The following MTCL2 variants were observed in gnomAD, a reference collection of about 807,000 sequenced individuals.
MTCL2 encodes the protein microtubule crosslinking factor 2.
chr20:36,784,492 A>G, the MTCL2 span: 1 of 985,570 alleles, frequency 1.0e-6, no homozygotes, highest in Non-Finnish European at 1.2e-6. Context: ...CAGCAAAGCT[A>G]CTGGCTTTTG....
chr20:36,799,494 AAAATAAATAAATAAATAAAT>A, the MTCL2 span, among the ~76,000 whole-genome samples: 2 of 147,008 alleles, frequency 1.4e-5, no homozygotes, highest in Non-Finnish European at 3.0e-5. Context: ...CTCCATCTCA[AAAATAAATAAATAAATAAAT>A]AAATAAATAA....
the MTCL2 span, among the ~76,000 whole-genome samples, chr20:36,845,223 T>A: frequency 6.6e-6 from 1 of 152,242 alleles, no homozygotes; most frequent in East Asian, 1.9e-4. Flanking sequence ...GGGATTCTGA[T>A]GAAGGGCGTT....
the MTCL2 span, among the ~76,000 whole-genome samples, chr20:36,859,115 G>GA: frequency 1.3e-5 from 2 of 152,092 alleles, no homozygotes; most frequent in Non-Finnish European, 1.5e-5. Flanking sequence ...ATACAGATGA[G>GA]AAAAAAAGCA....
the MTCL2 span, among the ~76,000 whole-genome samples, chr20:36,859,401 A>G: frequency 6.6e-6 from 1 of 152,222 alleles, no homozygotes; most frequent in Admixed American, 6.5e-5. Context: ...AATAACCTTC[A>G]GACTTCCTTG....
the MTCL2 span, among the ~76,000 whole-genome samples, chr20:36,861,021 C>A: frequency 7.9e-5 from 12 of 152,248 alleles, no homozygotes; most frequent in African/African-American, 2.9e-4. Context: ...TGGACAGGGG[C>A]CCATGGAGAT....
At chr20:36,816,355 T>A in the MTCL2 span, 2 of 1,472,586 alleles carry the variant, frequency 1.4e-6, no homozygotes, top group Non-Finnish European at 1.8e-6. Context: ...GTGCTGGGAG[T>A]CTCAGTACCA....
the MTCL2 span, among the ~76,000 whole-genome samples, chr20:36,807,077 G>A: frequency 6.6e-6 from 1 of 152,304 alleles, no homozygotes; most frequent in African/African-American, 2.4e-5. Flanking sequence ...CTTCGGACAG[G>A]AGGACCGAGG....
chr20:36,805,362 G>A, the MTCL2 span, among the ~76,000 whole-genome samples: 5 of 151,986 alleles, frequency 3.3e-5, no homozygotes, highest in East Asian at 1.9e-4. Context: ...CCAGCTCACC[G>A]TGTGTGACCC....
the MTCL2 span, among the ~76,000 whole-genome samples, chr20:36,821,660 T>C: frequency 6.6e-6 from 1 of 151,830 alleles, no homozygotes; most frequent in South Asian, 2.1e-4. Context: ...GGAGGTTACA[T>C]TGAGCCAAGA....
the MTCL2 span, chr20:36,794,328 C>T: frequency 1.9e-6 from 3 of 1,575,754 alleles, no homozygotes; most frequent in Admixed American, 1.9e-5. The surrounding 1 kb of genome is among the most constrained non-coding windows in gnomAD (Gnocchi z 5.4). Flanking sequence ...CTATAGTAGA[C>T]TCGGATGCCC....
the MTCL2 span, among the ~76,000 whole-genome samples, chr20:36,841,751 T>G: frequency 2.6e-5 from 4 of 152,154 alleles, no homozygotes; most frequent in Middle Eastern, 3.4e-3. Flanking sequence ...CAGGCTGGAG[T>G]GCGGTGGCAA....
chr20:36,816,340 G>C, the MTCL2 span: 3 of 1,522,474 alleles, frequency 2.0e-6, no homozygotes, highest in Non-Finnish European at 2.6e-6. Flanking sequence ...AACCCAGGAA[G>C]GTTAGTGCTG....
At chr20:36,846,761 C>A in the MTCL2 span, among the ~76,000 whole-genome samples, 1 of 152,184 alleles carries the variant, frequency 6.6e-6, no homozygotes, top group Non-Finnish European at 1.5e-5. Context: ...AATCCCAGCA[C>A]TTTGGGAGGC....
chr20:36,852,781 G>T, the MTCL2 span, among the ~76,000 whole-genome samples: 1 of 152,164 alleles, frequency 6.6e-6, no homozygotes, highest in Non-Finnish European at 1.5e-5. Flanking sequence ...ATGAGGCCGG[G>T]CATGGTGGCT....
At chr20:36,805,732 A>T in the MTCL2 span, 1 of 832,710 alleles carries the variant, frequency 1.2e-6, no homozygotes, top group South Asian at 1.9e-5. Context: ...TGGGATGACC[A>T]GGCAATAACT....
At chr20:36,841,874 GGTGTGT>G in the MTCL2 span, among the ~76,000 whole-genome samples, 416 of 110,794 alleles carry the variant, frequency 3.8e-3, 1 homozygote, top group Middle Eastern at 8.4e-3. Flanking sequence ...TGGGGGGTGG[GGTGTGT>G]GTGTGTGTGT....
chr20:36,796,922 C>A, the MTCL2 span: 1 of 1,613,976 alleles, frequency 6.2e-7, no homozygotes, highest in South Asian at 1.1e-5. Flanking sequence ...TCGGAAACAG[C>A]CTCCTTGTCG....
chr20:36,821,062 C>T, the MTCL2 span, among the ~76,000 whole-genome samples: 4 of 152,142 alleles, frequency 2.6e-5, no homozygotes, highest in African/African-American at 9.7e-5. Context: ...TCAAAAAGGA[C>T]ATAGAAGAAT....
the MTCL2 span, chr20:36,779,623 T>TG: frequency 6.6e-6 from 1 of 152,272 alleles, no homozygotes; most frequent in Non-Finnish European, 1.5e-5. Flanking sequence ...AGGCTTTTTT[T>TG]TGTGTGTGTG....
Sources: gnomAD v4.1 joint callset for allele counts (sites outside exome capture counted in the v4.1 genomes callset) on GRCh38, gnomAD v4.1.1 for gene constraint, Gnocchi (gnomAD v3.1) non-coding constraint, MANE v1.5 for transcripts, NCBI Gene and HGNC (gene_info 2026-07-23, HGNC 2026-07-21) for gene names.